PDGFD: variants seen among roughly 807,000 people sequenced by gnomAD.
PDGFD encodes platelet derived growth factor D.
A neutral mutation model predicts 44.7 loss-of-function variants in PDGFD; 30 were observed. The ratio of observed to expected loss-of-function variants is 0.67; its 90% CI spans 0.50 to 0.91. The LOEUF (loss-of-function observed/expected upper bound fraction) is 0.91, where lower values mean the gene tolerates loss of function less well. PDGFD is among the 40% of genes least tolerant of loss of function. PDGFD has a pLI of 0.00. For missense variants in PDGFD, 445 were observed against 457.8 expected (o/e 0.97, Z 0.25); for synonymous variants, 173 against 168.4 (o/e 1.03, Z -0.21).
chr11:103,928,002 C>A (rs1057513487), intron 5 of PDGFD, among the ~76,000 whole-genome samples: 1 of 152,168 alleles, frequency 6.6e-6, no homozygotes, highest in African/African-American at 2.4e-5. Flanking sequence ...AAATATACTA[C>A]GTCTTTCTCC....
At chr11:103,979,627 G>T (rs1456256731) in intron 3 of PDGFD, among the ~76,000 whole-genome samples, 1 of 152,090 alleles carries the variant, frequency 6.6e-6, no homozygotes, top group Admixed American at 6.6e-5. Flanking sequence ...CTACAAGAAA[G>T]ATTTGCTAGT....
At chr11:104,117,678 G>A (rs11226179) in intron 1 of PDGFD, among the ~76,000 whole-genome samples, 19,803 of 151,688 alleles carry the variant, frequency 0.13, 1,410 homozygotes, top group East Asian at 0.29. Context: ...TCTAACCAAG[G>A]AGATGAAAGA....
At chr11:104,029,446 C>T (rs943261924) in intron 1 of PDGFD, among the ~76,000 whole-genome samples, 2 of 152,186 alleles carry the variant, frequency 1.3e-5, no homozygotes, top group Non-Finnish European at 2.9e-5. Flanking sequence ...AACTCAGCTG[C>T]TGTTTAGAAT....
chr11:103,963,743 T>A (rs755994392), intron 3 of PDGFD, among the ~76,000 whole-genome samples: 2 of 152,142 alleles, frequency 1.3e-5, no homozygotes, highest in Non-Finnish European at 2.9e-5. Context: ...AAATAAAACA[T>A]CTTAAGAGGA....
At chr11:104,067,535 A>G (rs1345973366) in intron 1 of PDGFD, among the ~76,000 whole-genome samples, 1 of 152,174 alleles carries the variant, frequency 6.6e-6, no homozygotes, top group African/African-American at 2.4e-5. Flanking sequence ...CTTTCTATCC[A>G]AAGTATCAGC....
chr11:103,910,488 G>A (rs1477209175), intron 6 of PDGFD, among the ~76,000 whole-genome samples: 1 of 152,218 alleles, frequency 6.6e-6, no homozygotes, highest in African/African-American at 2.4e-5. Context: ...GCCGCGAAGT[G>A]CAAGGGGGTG....
At chr11:104,079,865 G>T (rs949065224) in intron 1 of PDGFD, among the ~76,000 whole-genome samples, 1 of 152,156 alleles carries the variant, frequency 6.6e-6, no homozygotes, top group Non-Finnish European at 1.5e-5. Context: ...CTGAAAATAT[G>T]ATTTAATGGC....
chr11:104,070,325 T>G (rs939472693), intron 1 of PDGFD, among the ~76,000 whole-genome samples: 3 of 152,172 alleles, frequency 2.0e-5, no homozygotes, highest in Non-Finnish European at 4.4e-5. Context: ...ACGCATTAGT[T>G]CACACTGATA....
intron 1 of PDGFD, among the ~76,000 whole-genome samples, chr11:104,001,670 T>C (rs563197274): frequency 4.0e-4 from 61 of 152,336 alleles, no homozygotes; most frequent in South Asian, 1.4e-3. Context: ...TCAGAGTTCA[T>C]TGCATTTTGG....
At chr11:103,941,624 C>T (rs1858585451) in intron 5 of PDGFD, among the ~76,000 whole-genome samples, 2 of 151,146 alleles carry the variant, frequency 1.3e-5, no homozygotes, top group Admixed American at 6.6e-5. Context: ...AGGGTGCCTG[C>T]TAAAAAAAAA....
intron 3 of PDGFD, among the ~76,000 whole-genome samples, chr11:103,965,649 G>C (rs139472155): frequency 6.6e-6 from 1 of 152,272 alleles, no homozygotes; most frequent in East Asian, 1.9e-4. Context: ...AGAGGGTTGG[G>C]GTTGGGTAGA....
At chr11:103,971,643 T>C (rs780859648) in intron 3 of PDGFD, among the ~76,000 whole-genome samples, 17 of 152,156 alleles carry the variant, frequency 1.1e-4, no homozygotes, top group Non-Finnish European at 2.2e-4. Context: ...ATAAAACACT[T>C]AGCAAATTTA....
At chr11:103,922,508 T>C (rs989666355) in intron 6 of PDGFD, among the ~76,000 whole-genome samples, 15 of 151,894 alleles carry the variant, frequency 9.9e-5, no homozygotes, top group Middle Eastern at 3.2e-3. Flanking sequence ...AAGACCCTCA[T>C]GCGAGAGGTG....
chr11:103,972,603 G>C (rs952114193), intron 3 of PDGFD, among the ~76,000 whole-genome samples: 1 of 152,146 alleles, frequency 6.6e-6, no homozygotes, highest in Non-Finnish European at 1.5e-5. Context: ...GAAACATAGA[G>C]AGGCTGATGC....
chr11:103,985,109 TTAATATA>T (rs1474283774), intron 3 of PDGFD, among the ~76,000 whole-genome samples: 1 of 134,482 alleles, frequency 7.4e-6, no homozygotes, highest in African/African-American at 2.8e-5. Context: ...ATTAATTTAT[TTAATATA>T]TAATATATTA....
chr11:103,942,970 T>C (rs922040460), intron 5 of PDGFD, among the ~76,000 whole-genome samples: 1 of 152,132 alleles, frequency 6.6e-6, no homozygotes, highest in African/African-American at 2.4e-5. Flanking sequence ...TAAGATCTCA[T>C]CCAGCTCCAA....
At chr11:104,037,659 G>C in intron 1 of PDGFD, 1 of 1,614,198 alleles carries the variant, frequency 6.2e-7, no homozygotes, top group Non-Finnish European at 8.5e-7. Context: ...GTAACATCAT[G>C]AGGCTGGTGG....
chr11:104,100,562 C>G (rs999558820), intron 1 of PDGFD, among the ~76,000 whole-genome samples: 1 of 151,466 alleles, frequency 6.6e-6, no homozygotes, highest in Non-Finnish European at 1.5e-5. Flanking sequence ...CCATTCCAAT[C>G]AAAAGAAAAA....
chr11:104,046,282 CT>C lies in PDGFD; in HGVS notation c.125-46028del, dbSNP rs1342509522. On this transcript the variant is annotated intron_variant, in intron 1 of 6. Transcript: ENST00000393158. ...AGTTCTTCAATTCACTCTTTAATAA[CT>C]TTACTTCTGGTGCATCTCATCAAGA... is the stretch of plus-strand genomic sequence containing the variant. Among the ~76,000 whole-genome samples the C allele has an allele frequency of 1.4e-5, 2 of 147,508 alleles. 1 individual carries two copies. The highest frequency in any genetic ancestry group is 3.0e-5 in the Non-Finnish European group (2 of 66,058).
Sources: gnomAD v4.1 joint callset for allele counts (sites outside exome capture counted in the v4.1 genomes callset) on GRCh38, gnomAD v4.1.1 for gene constraint, MANE v1.5 for transcripts, NCBI Gene and HGNC (gene_info 2026-07-23, HGNC 2026-07-21) for gene names.